The following FOCAD variants were observed in gnomAD, a reference collection of about 807,000 sequenced individuals.
The protein encoded by FOCAD is KIAA1797.
FOCAD carries 198 observed loss-of-function variants against 225.6 expected under a neutral mutation model. The observed-to-expected ratio is 0.88, with a 90% CI of 0.78 to 0.99. The LOEUF is 0.99. Ranked by LOEUF, FOCAD falls within the 50% of genes least tolerant of loss-of-function variation. The pLI, the probability that FOCAD is intolerant of heterozygous loss-of-function variation, is 0.00. For missense variants in FOCAD, 2,713 were observed against 2,123.6 expected (o/e 1.28, Z -5.46); for synonymous variants, 897 against 755.0 (o/e 1.19, Z -3.08).
intron 39 of FOCAD, among the ~76,000 whole-genome samples, chr9:20,985,930 T>C (rs1023647606): frequency 1.3e-5 from 2 of 152,176 alleles, no homozygotes; most frequent in Non-Finnish European, 2.9e-5. Flanking sequence ...GTACCATACT[T>C]TGAAAACCAC....
chr9:20,752,145 A>T (rs1828616801), intron 5 of FOCAD, among the ~76,000 whole-genome samples: 1 of 150,458 alleles, frequency 6.6e-6, no homozygotes, highest in South Asian at 2.1e-4. Flanking sequence ...TTTGCTGTGC[A>T]GAAGCTCTTT....
chr9:20,736,745 A>G (rs1200338197), intron 4 of FOCAD, among the ~76,000 whole-genome samples: 1 of 152,148 alleles, frequency 6.6e-6, no homozygotes, highest in African/African-American at 2.4e-5. Flanking sequence ...ATTTTTTAAA[A>G]CAACGTAAGA....
At chr9:20,695,140 T>C (rs1823256372) in intron 1 of FOCAD, among the ~76,000 whole-genome samples, 1 of 152,240 alleles carries the variant, frequency 6.6e-6, no homozygotes, top group African/African-American at 2.4e-5. Flanking sequence ...CTGTATCTCA[T>C]ATATTTCTTG....
chr9:20,993,595 A>G (rs780735826), intron 43 of FOCAD, among the ~76,000 whole-genome samples: 1 of 152,188 alleles, frequency 6.6e-6, no homozygotes, highest in Admixed American at 6.5e-5. Flanking sequence ...GTAATTTTAT[A>G]TAATATTTTT....
Position 20,717,820 on chromosome 9 carries a change from C to T in FOCAD, c.84C>T (p.Val28=). 1.2e-6 allele frequency: 2 copies of T among 1,612,408 alleles called. No homozygotes were observed. The highest frequency in any genetic ancestry group is 1.7e-6 in the Non-Finnish European group (2 of 1,179,388). ...SQAVGHLIAA[V]LKENGFSEKI... is the part of the protein sequence containing the mutation. ...CTGTGGGTCATCTTATTGCTGCAGT[C>T]CTAAAGGAAAATGGTTTTTCAGAAA... The change falls in exon 3 of 44, where the codon GTC becomes GTT. Residue 28 remains valine, a synonymous_variant. Transcript: ENST00000338382.
At chr9:20,982,509 G>T in intron 39 of FOCAD, 63 bp downstream of exon 39, 2 of 1,329,434 alleles carry the variant, frequency 1.5e-6, no homozygotes, top group South Asian at 2.4e-5. Flanking sequence ...TTGAATAATT[G>T]ATTTCAGTGT....
intron 15 of FOCAD, among the ~76,000 whole-genome samples, chr9:20,856,481 A>G (rs961139214): frequency 6.6e-5 from 10 of 151,728 alleles, no homozygotes; most frequent in African/African-American, 2.4e-4. Flanking sequence ...TTTTTATTCT[A>G]GTTATTAATT....
chr9:20,662,353 A>G (rs1383992862), intron 2 of FOCAD, among the ~76,000 whole-genome samples: 1 of 152,178 alleles, frequency 6.6e-6, no homozygotes, highest in Non-Finnish European at 1.5e-5. Context: ...CTTTAGGGTC[A>G]GCCTCGGGGG....
At chr9:20,728,751 C>A (rs533095265) in intron 4 of FOCAD, among the ~76,000 whole-genome samples, 14 of 152,298 alleles carry the variant, frequency 9.2e-5, no homozygotes, top group African/African-American at 2.4e-4. Context: ...AGACTTTTGG[C>A]AGCAGTTTCC....
rs1322314061 is a variant in FOCAD at position 20,948,337 on chromosome 9, G to A, written c.3742G>A (p.Ala1248Thr). 6.2e-7 allele frequency: 1 copy of A among 1,612,678 alleles called. No individual in the cohort carries two copies. The change falls in exon 31 of 44, where the codon GCT becomes ACT. Residue 1248 changes from alanine (A) to threonine (T), a missense_variant. Physicochemically the swap from Ala to Thr is moderately conservative, Grantham distance 58. Coordinates refer to ENST00000338382, the MANE Select transcript of FOCAD (RefSeq NM_001375567.1). ...ATTGTCTGTGTGTGGACATGGAAAA[G>A]CTGAAGACTTGGGCAGCAAACTACT... Reference protein sequence around the residue: ...HGLSVCGHGKAEDLGSKLLPA... With the variant: ...HGLSVCGHGKTEDLGSKLLPA...
At chr9:20,948,181 T>A in intron 30 of FOCAD, 90 bp from the exon 31 acceptor site, 1 of 1,234,402 alleles carries the variant, frequency 8.1e-7, no homozygotes, top group Non-Finnish European at 1.1e-6. Flanking sequence ...AAGTTAGCAC[T>A]AAAAGTGTTT....
intron 11 of FOCAD, among the ~76,000 whole-genome samples, chr9:20,805,747 G>A (rs1010819652): frequency 1.4e-4 from 21 of 152,178 alleles, no homozygotes; most frequent in African/African-American, 4.6e-4. Flanking sequence ...CTGTTGAAAT[G>A]GGGGTTGGGA....
chr9:20,936,303 G>T (rs1835957765), intron 28 of FOCAD, among the ~76,000 whole-genome samples: 1 of 152,170 alleles, frequency 6.6e-6, no homozygotes, highest in Non-Finnish European at 1.5e-5. Flanking sequence ...ATGATTTACA[G>T]CTACATTCAT....
Position 20,764,928 on chromosome 9 carries a change from C to T in FOCAD, c.554C>T (p.Pro185Leu), listed in dbSNP as rs1048595513. 1 of 1,614,020 alleles carries T rather than the reference C, an allele frequency of 6.2e-7. No homozygotes were observed. Among genetic ancestry groups the T allele is most frequent in the Non-Finnish European group, 8.5e-7 (1 of 1,179,986 alleles). ...TTTCTGTGGTATCTGTATTGTGAAC[C>T]ATCTCAGTTACAAGAATATGCTAAA... ...APFLWYLYCE[P>L]SQLQEYAKLR... Residue 185 changes from proline (P) to leucine (L), a missense_variant, in exon 7 of 44, where the codon CCA (proline) becomes CTA (leucine). Coordinates refer to ENST00000338382, the MANE Select transcript of FOCAD (RefSeq NM_001375567.1).
chr9:20,708,677 A>G (rs1021801586), intron 1 of FOCAD, among the ~76,000 whole-genome samples: 1 of 152,050 alleles, frequency 6.6e-6, no homozygotes, highest in South Asian at 2.1e-4. Flanking sequence ...TGGAAGGCTG[A>G]GGATGGGCGG....
At chr9:20,799,680 T>C (rs1282591640) in intron 11 of FOCAD, among the ~76,000 whole-genome samples, 5 of 152,152 alleles carry the variant, frequency 3.3e-5, no homozygotes, top group Non-Finnish European at 5.9e-5. Flanking sequence ...CCCTGCCTTT[T>C]TTTGTTTTCC....
intron 23 of FOCAD, among the ~76,000 whole-genome samples, chr9:20,916,234 GTTGT>G (rs2132081826): frequency 6.6e-6 from 1 of 152,204 alleles, no homozygotes; most frequent in South Asian, 2.1e-4. Context: ...ACAGCAAGTG[GTTGT>G]TTTTTACTTC....
At chr9:20,959,122 A>G (rs999478257) in intron 35 of FOCAD, among the ~76,000 whole-genome samples, 1 of 152,186 alleles carries the variant, frequency 6.6e-6, no homozygotes, top group African/African-American at 2.4e-5. Context: ...ACTGTTATTT[A>G]TAGTGGGTAT....
At chr9:20,992,309 C>T (rs1274207436) in intron 42 of FOCAD, among the ~76,000 whole-genome samples, 3 of 152,274 alleles carry the variant, frequency 2.0e-5, no homozygotes, top group Non-Finnish European at 1.5e-5. Context: ...TATTTTATGC[C>T]ATTTCTCTTG....
Sources: allele counts gnomAD v4.1 joint callset (sites outside exome capture counted in the v4.1 genomes callset), GRCh38; gene constraint gnomAD v4.1.1; transcripts MANE v1.5; gene names NCBI Gene and HGNC (gene_info 2026-07-23, HGNC 2026-07-21).